GNG12: variants seen among roughly 807,000 people sequenced by gnomAD.
The protein encoded by GNG12 is guanine nucleotide-binding protein G(I)/G(S)/G(O) subunit gamma-12.
For missense variants in GNG12, 69 were observed against 83.8 expected (o/e 0.82, Z 0.69); for synonymous variants, 28 against 29.7 (o/e 0.94, Z 0.19).
chr1:67,757,871 C>A (rs1646578919), intron 2 of GNG12, among the ~76,000 whole-genome samples: 1 of 152,204 alleles, frequency 6.6e-6, no homozygotes, highest in Non-Finnish European at 1.5e-5. Flanking sequence ...TGGCTCAGCT[C>A]ACTTAAAAAG....
At chr1:67,745,691 G>T (rs938883683) in intron 2 of GNG12, among the ~76,000 whole-genome samples, 2 of 152,196 alleles carry the variant, frequency 1.3e-5, no homozygotes, top group African/African-American at 4.8e-5. Context: ...CTCCTTTGCT[G>T]GGTAACAGGT....
chr1:67,748,305 T>C (rs1052543520), intron 2 of GNG12, among the ~76,000 whole-genome samples: 2 of 152,200 alleles, frequency 1.3e-5, no homozygotes, highest in African/African-American at 4.8e-5. Context: ...ATTCCTGGCT[T>C]TCCAGAGTTT....
intron 2 of GNG12, among the ~76,000 whole-genome samples, chr1:67,766,106 G>GCGCACACACACACACA (rs1237928914): frequency 7.2e-6 from 1 of 139,836 alleles, no homozygotes; most frequent in African/African-American, 2.7e-5. Context: ...AGGCACACAC[G>GCGCACACACACACACA]CACACACACA....
At chr1:67,750,200 T>C (rs1646530368) in intron 2 of GNG12, among the ~76,000 whole-genome samples, 1 of 152,246 alleles carries the variant, frequency 6.6e-6, no homozygotes, top group Non-Finnish European at 1.5e-5. Flanking sequence ...TCATATGACA[T>C]TCACCGCAGC....
At chr1:67,790,012 GAAGT>G (rs1343563267) in intron 1 of GNG12, among the ~76,000 whole-genome samples, 3 of 152,182 alleles carry the variant, frequency 2.0e-5, no homozygotes, top group East Asian at 3.9e-4. Flanking sequence ...GAAAACCAAA[GAAGT>G]AAGATATACA....
intron 2 of GNG12, among the ~76,000 whole-genome samples, chr1:67,730,792 TG>T (rs1388157710): frequency 1.3e-5 from 2 of 152,224 alleles, no homozygotes; most frequent in African/African-American, 4.8e-5. Flanking sequence ...AATTAACTGT[TG>T]CACTAAATGC....
chr1:67,785,890 A>C (rs1352128322), intron 1 of GNG12, among the ~76,000 whole-genome samples: 3 of 152,166 alleles, frequency 2.0e-5, no homozygotes, highest in Non-Finnish European at 4.4e-5. Context: ...TTTATTTGCA[A>C]ATTCAGATAA....
chr1:67,767,504 C>G (rs1230091342), intron 2 of GNG12, among the ~76,000 whole-genome samples: 1 of 152,240 alleles, frequency 6.6e-6, no homozygotes, highest in Non-Finnish European at 1.5e-5. Flanking sequence ...AGTTCAGACT[C>G]TGCCTCCTCC....
At chr1:67,712,863 T>G (rs1321084134) in intron 2 of GNG12, among the ~76,000 whole-genome samples, 1 of 151,132 alleles carries the variant, frequency 6.6e-6, no homozygotes, top group Non-Finnish European at 1.5e-5. Flanking sequence ...TTTTTTGAGA[T>G]GGAGTCAGGC....
intron 2 of GNG12, among the ~76,000 whole-genome samples, chr1:67,754,153 T>C (rs1409519368): frequency 1.3e-5 from 2 of 152,168 alleles, no homozygotes; most frequent in Admixed American, 1.3e-4. Flanking sequence ...CCTCCAACTC[T>C]GTACAGATTT....
chr1:67,722,460 T>C (rs1224833989), intron 2 of GNG12, among the ~76,000 whole-genome samples: 1 of 151,942 alleles, frequency 6.6e-6, no homozygotes, highest in Admixed American at 6.6e-5. Context: ...TGCACATAAA[T>C]AAGGAATGTA....
chr1:67,737,610 C>CTT (rs35643307), intron 2 of GNG12, among the ~76,000 whole-genome samples: 3 of 146,422 alleles, frequency 2.0e-5, no homozygotes, highest in African/African-American at 7.4e-5. Context: ...TGAAGACTTT[C>CTT]TTTTTTTTTT....
intron 2 of GNG12, among the ~76,000 whole-genome samples, chr1:67,753,985 C>G (rs1557605813): frequency 6.6e-6 from 1 of 152,196 alleles, no homozygotes; most frequent in East Asian, 1.9e-4. Context: ...CCTACACGGG[C>G]TGCTGTTGTC....
chr1:67,799,583 AT>A (rs1646852680), intron 1 of GNG12, among the ~76,000 whole-genome samples: 2 of 152,192 alleles, frequency 1.3e-5, no homozygotes, highest in Non-Finnish European at 2.9e-5. Flanking sequence ...CTGTTTACAG[AT>A]AGTTCTATTA....
At chr1:67,723,861 G>T (rs1408918585) in intron 2 of GNG12, among the ~76,000 whole-genome samples, 1 of 152,290 alleles carries the variant, frequency 6.6e-6, no homozygotes, top group African/African-American at 2.4e-5. Context: ...CAAAACCAGG[G>T]GGAGGAGTTA....
At chr1:67,717,233 C>G (rs760007730) in intron 2 of GNG12, among the ~76,000 whole-genome samples, 2 of 152,046 alleles carry the variant, frequency 1.3e-5, no homozygotes, top group African/African-American at 4.8e-5. Flanking sequence ...GGACACTACT[C>G]GGCCGGGTAT....
intron 2 of GNG12, among the ~76,000 whole-genome samples, chr1:67,749,589 T>C (rs1299885528): frequency 3.3e-5 from 5 of 152,294 alleles, no homozygotes; most frequent in Non-Finnish European, 5.9e-5. Context: ...TGCTGATTGC[T>C]GCCCCCAGGA....
chr1:67,795,976 A>T (rs1436515233), intron 1 of GNG12, among the ~76,000 whole-genome samples: 1 of 152,250 alleles, frequency 6.6e-6, no homozygotes, highest in Non-Finnish European at 1.5e-5. Context: ...TACAATTAAA[A>T]TTCAGAATTT....
At chr1:67,823,182 T>C (rs184518411) in intron 1 of GNG12, among the ~76,000 whole-genome samples, 61 of 152,344 alleles carry the variant, frequency 4.0e-4, no homozygotes, top group Admixed American at 1.4e-3. Flanking sequence ...TGGAAAATTC[T>C]AGGCTTCTTA....
Sources: allele counts gnomAD v4.1 joint callset (sites outside exome capture counted in the v4.1 genomes callset), GRCh38; gene constraint gnomAD v4.1.1; transcripts MANE v1.5; gene names NCBI Gene and HGNC (gene_info 2026-07-23, HGNC 2026-07-21).